Variants in GABRA1 observed in about 807,000 individuals in gnomAD.
GABRA1 encodes gamma-aminobutyric acid type A receptor subunit alpha1, also known as gamma-aminobutyric acid receptor subunit alpha-1.
Under a neutral mutation model 48.9 loss-of-function variants are expected in GABRA1, and 9 were observed. The observed-to-expected ratio is 0.18, with a 90% CI of 0.11 to 0.32. The LOEUF is 0.32. Ranked by LOEUF, GABRA1 falls within the 10% of genes least tolerant of loss-of-function variation. The pLI is 1.00. For missense variants in GABRA1, 285 were observed against 553.8 expected (o/e 0.51, Z 4.87); for synonymous variants, 210 against 198.7 (o/e 1.06, Z -0.48).
intron 7 of GABRA1, among the ~76,000 whole-genome samples, chr5:161,888,337 G>A (rs1319251352): frequency 6.6e-6 from 1 of 152,086 alleles, no homozygotes; most frequent in African/African-American, 2.4e-5. Context: ...TTATTTGAAA[G>A]TTTGTGCCAA....
chr5:161,893,255 A>G (rs771728149), intron 8 of GABRA1, among the ~76,000 whole-genome samples: 1 of 151,960 alleles, frequency 6.6e-6, no homozygotes, highest in Non-Finnish European at 1.5e-5. Context: ...TTATATCTCA[A>G]CAGACTCATG....
intron 3 of GABRA1, among the ~76,000 whole-genome samples, chr5:161,858,663 C>G (rs1448883638): frequency 6.6e-6 from 1 of 151,740 alleles, no homozygotes; most frequent in African/African-American, 2.4e-5. Flanking sequence ...ATTCATTTCA[C>G]TTCTTGGAAA....
intron 7 of GABRA1, among the ~76,000 whole-genome samples, chr5:161,885,339 A>G (rs182711721): frequency 2.0e-5 from 3 of 152,268 alleles, no homozygotes; most frequent in South Asian, 4.1e-4. Flanking sequence ...GAAAACATCA[A>G]AATAAATGAC....
Position 161,848,362 on chromosome 5 carries a change from G to A in GABRA1, c.-76G>A, listed in dbSNP as rs1156276867. ...CTCGCGCTGGCTCCAGTCTCTCCACGATTCTCTCTCCCAGACTTTTCCCCG... is the reference window on the plus strand; with the variant it reads ...CTCGCGCTGGCTCCAGTCTCTCCACAATTCTCTCTCCCAGACTTTTCCCCG... On this transcript the variant is annotated 5_prime_UTR_variant, in exon 1 of 10. Transcript: ENST00000393943. The A allele has an allele frequency of 6.6e-6, 1 of 152,474 alleles. No individual in the cohort carries two copies. The highest frequency in any genetic ancestry group is 1.5e-5 in the Non-Finnish European group (1 of 68,422). 9.4% of individuals were successfully genotyped at this position (152,474 alleles called of 1,614,324 possible).
intron 2 of GABRA1, among the ~76,000 whole-genome samples, 164 bp from the exon 3 acceptor site, chr5:161,853,994 C>T (rs113161692): frequency 6.6e-6 from 1 of 151,440 alleles, no homozygotes; most frequent in Non-Finnish European, 1.5e-5. Flanking sequence ...AATTAAATGC[C>T]CAGAGTTTAA....
chr5:161,890,544 T>C (rs1030325542), intron 7 of GABRA1, among the ~76,000 whole-genome samples: 12 of 152,072 alleles, frequency 7.9e-5, no homozygotes, highest in African/African-American at 2.9e-4. Context: ...TTCTGACCCA[T>C]TGGTCTATGT....
chr5:161,895,332 A>T lies in GABRA1; in HGVS notation c.857-334A>T, dbSNP rs141689843. Among the ~76,000 whole-genome samples the T allele has an allele frequency of 3.9e-3, 591 of 152,182 alleles. 3 individuals carry two copies. The highest frequency in any genetic ancestry group is 0.013 in the African/African-American group (558 of 41,526). On this transcript the variant is annotated intron_variant, in intron 8 of 9. Coordinates refer to ENST00000393943, the MANE Select transcript of GABRA1 (RefSeq NM_001127644.2). ...GAAGATCTGTGATTTCTATATCAAGAACTAGGTACAGTGAGGAATGTTATT... is the reference window on the plus strand; with the variant it reads ...GAAGATCTGTGATTTCTATATCAAGTACTAGGTACAGTGAGGAATGTTATT...
chr5:161,893,048 T>TAATAAAAAA (rs5872733), intron 8 of GABRA1, among the ~76,000 whole-genome samples: 9,259 of 141,764 alleles, frequency 0.065, 369 homozygotes, highest in Non-Finnish European at 0.078. Flanking sequence ...ATAATAATAA[T>TAATAAAAAA]AAAATAAACA....
intron 4 of GABRA1, 71 bp from the exon 5 acceptor site, chr5:161,873,046 T>C: frequency 8.2e-7 from 1 of 1,213,688 alleles, no homozygotes; most frequent in Non-Finnish European, 1.2e-6. Context: ...AATTATGCAC[T>C]GTCTGCGTTA....
chr5:161,871,163 G>T (rs370890524), intron 4 of GABRA1, among the ~76,000 whole-genome samples: 68 of 152,220 alleles, frequency 4.5e-4, no homozygotes, highest in African/African-American at 1.3e-3. Flanking sequence ...GATACATCTT[G>T]TCAAAGATTT....
rs1160670794 is a variant in GABRA1 at position 161,899,771 on chromosome 5, T to C, written c.*2349T>C. On this transcript the variant is annotated 3_prime_UTR_variant, in exon 10 of 10. Coordinates refer to ENST00000393943, the MANE Select transcript of GABRA1 (RefSeq NM_001127644.2). ...TTCCTGTTCACTCCCAGGAAACTTT[T>C]TTAAAAGATGACACTGAATGTTTAT... 1 of 152,198 alleles carries C rather than the reference T, an allele frequency of 6.6e-6. No individual in the cohort carries two copies. Among genetic ancestry groups the C allele is most frequent in the African/African-American group, 2.4e-5 (1 of 41,464 alleles). 9.4% of individuals were successfully genotyped at this position (152,198 alleles called of 1,614,324 possible).
chr5:161,857,312 C>T (rs1757687624), intron 3 of GABRA1, among the ~76,000 whole-genome samples: 1 of 151,302 alleles, frequency 6.6e-6, no homozygotes, highest in Admixed American at 6.6e-5. Context: ...ATGTGATAAG[C>T]TGAGACTTGA....
rs535403437 is a variant in GABRA1, at chr5:161,896,517, G to A, written c.1060-594G>A. 5.9e-5 allele frequency among the ~76,000 whole-genome samples: 9 copies of A among 152,270 alleles called. 1 individual carries two copies. The highest frequency in any genetic ancestry group is 2.2e-4 in the African/African-American group (9 of 41,560). On this transcript the variant is annotated intron_variant, in intron 9 of 9. Coordinates refer to ENST00000393943, the MANE Select transcript of GABRA1 (RefSeq NM_001127644.2). ...GTATGGATTTTATGTCACAGCTTGG[G>A]AGGATAGCTGTGTTTGTGGGGTTTG...
At position 161,854,200 on chromosome 5, in the gene GABRA1, C is replaced by G. The variant is rs1386307443; in HGVS notation, c.117C>G (p.Thr39=). 1 of 1,608,880 alleles carries G rather than the reference C, an allele frequency of 6.2e-7. No homozygotes were observed. Among genetic ancestry groups the G allele is most frequent in the Non-Finnish European group, 8.5e-7 (1 of 1,175,826 alleles). The change falls in exon 3 of 10, where the codon ACC becomes ACG. Residue 39 remains threonine (T), a synonymous_variant. Transcript: ENST00000393943. The part of the protein sequence containing the change: ...PSLQDELKDN[T]TVFTRILDRL... The stretch of plus-strand genomic sequence containing the variant: ...TACAAGATGAACTTAAAGACAATAC[C>G]ACTGTCTTCACCAGGATTTTGGACA...
chr5:161,880,670 G>A (rs2113406833), intron 6 of GABRA1, among the ~76,000 whole-genome samples: 1 of 152,214 alleles, frequency 6.6e-6, no homozygotes, highest in South Asian at 2.1e-4. Flanking sequence ...AGTGATATTG[G>A]AACTGGCAGG....
chr5:161,888,405 G>T (rs945004433), intron 7 of GABRA1, among the ~76,000 whole-genome samples: 21 of 152,022 alleles, frequency 1.4e-4, no homozygotes, highest in Admixed American at 7.2e-4. Context: ...AATTTCTTCT[G>T]TTAGGGAAAA....
At chr5:161,857,168 G>A (rs1267636812) in intron 3 of GABRA1, among the ~76,000 whole-genome samples, 2 of 151,312 alleles carry the variant, frequency 1.3e-5, no homozygotes, top group Non-Finnish European at 3.0e-5. Flanking sequence ...TCACAGCTAG[G>A]ATGATTTCCT....
chr5:161,847,249 A>T (rs1248821306), upstream of GABRA1: 1 of 152,184 alleles, frequency 6.6e-6, no homozygotes, highest in South Asian at 2.1e-4. Flanking sequence ...CCTGACTTCT[A>T]AAAATTCCTC....
chr5:161,847,631 T>C (rs1368247030), upstream of GABRA1: 1 of 152,202 alleles, frequency 6.6e-6, no homozygotes, highest in African/African-American at 2.4e-5. Flanking sequence ...CATTCGTGAC[T>C]CTGCAAGACA....
Sources: gnomAD v4.1 joint callset for allele counts (sites outside exome capture counted in the v4.1 genomes callset) on GRCh38, gnomAD v4.1.1 for gene constraint, MANE v1.5 for transcripts, NCBI Gene and HGNC (gene_info 2026-07-23, HGNC 2026-07-21) for gene names.